Variants in RGS5 observed in about 807,000 individuals in gnomAD.
RGS5 encodes the protein regulator of G protein signaling 5, also known as regulator of G-protein signalling 5.
A neutral mutation model predicts 18.9 loss-of-function variants in RGS5; 20 were observed. That is an observed-to-expected ratio of 1.06 (90% confidence interval 0.74 to 1.54). RGS5 has a LOEUF of 1.54. Ranked by LOEUF, RGS5 falls within the 40% of genes most tolerant of loss-of-function variation. The probability of loss-of-function intolerance (pLI) is 0.00; values close to 1 mark genes in which losing one functional copy is unlikely to be tolerated. For missense variants in RGS5, 201 were observed against 211.8 expected (o/e 0.95, Z 0.32); for synonymous variants, 57 against 76.2 (o/e 0.75, Z 1.31).
In RGS5 at chr1:163,247,445, C is replaced by T. The variant is rs558083488; in HGVS notation, c.-281+58788G>A. On this transcript the variant is annotated intron_variant, in intron 2 of 5. Coordinates refer to the RGS5 transcript ENST00000618415. The stretch of plus-strand genomic sequence containing the variant: ...TTAGATCAATATAATATGTAATCAG[C>T]AACTATTAAGATTCACTATCAGGCA... Among the ~76,000 whole-genome samples, 11 of 149,478 alleles carry T rather than the reference C, an allele frequency of 7.4e-5. No homozygotes were observed. In the East Asian group the frequency reaches 2.1e-3, roughly 29 times the overall value.
At chr1:163,310,663 G>A (rs960497790) in intron 1 of RGS5, among the ~76,000 whole-genome samples, 14 of 151,198 alleles carry the variant, frequency 9.3e-5, no homozygotes, top group African/African-American at 2.7e-4. Flanking sequence ...GTTTAGCGTA[G>A]TCACTTTCAT....
chr1:163,273,286 T>C (rs1338922797), intron 2 of RGS5, among the ~76,000 whole-genome samples: 2 of 152,164 alleles, frequency 1.3e-5, no homozygotes, highest in Non-Finnish European at 2.9e-5. Context: ...TTCTTTACCC[T>C]AGCCAATTTA....
At chr1:163,292,981 G>C (rs941802140) in intron 2 of RGS5, among the ~76,000 whole-genome samples, 35 of 152,088 alleles carry the variant, frequency 2.3e-4, no homozygotes, top group African/African-American at 8.4e-4. Context: ...TGTTTACTCT[G>C]TTGATAGTTT....
At chr1:163,291,032 A>G (rs12745106) in intron 2 of RGS5, among the ~76,000 whole-genome samples, 39,361 of 151,970 alleles carry the variant, frequency 0.26, 6,111 homozygotes, top group Non-Finnish European at 0.36. Flanking sequence ...AATTAACTGA[A>G]TCAAAAGATT....
At position 163,147,322 on chromosome 1, in the gene RGS5, T is replaced by C; in HGVS notation, c.*20A>G. ...TGGAGGAAATAACTCACAGGATGATTTCATAGCCTGGCTAAATTACTACTT... is the reference window on the plus strand; with the variant it reads ...TGGAGGAAATAACTCACAGGATGATCTCATAGCCTGGCTAAATTACTACTT... On this transcript the variant is annotated 3_prime_UTR_variant, in exon 5 of 5. Transcript: ENST00000313961. The C allele has an allele frequency of 1.3e-6, 2 of 1,568,910 alleles. No homozygotes were observed.
chr1:163,170,704 T>C (rs776613164), intron 1 of RGS5, among the ~76,000 whole-genome samples: 1 of 151,862 alleles, frequency 6.6e-6, no homozygotes, highest in Non-Finnish European at 1.5e-5. Flanking sequence ...TACAGTGTCA[T>C]TTCCTTTTCA....
At chr1:163,299,124 C>T (rs1649493485) in intron 2 of RGS5, among the ~76,000 whole-genome samples, 1 of 152,128 alleles carries the variant, frequency 6.6e-6, no homozygotes, top group African/African-American at 2.4e-5. Flanking sequence ...ATAGTATAGA[C>T]ATGTGAAACA....
intron 2 of RGS5, among the ~76,000 whole-genome samples, chr1:163,275,760 T>C (rs1360142970): frequency 1.3e-5 from 2 of 152,132 alleles, no homozygotes; most frequent in Non-Finnish European, 2.9e-5. Context: ...GAATAAAGAT[T>C]ACTTTAAAGA....
intron 2 of RGS5, among the ~76,000 whole-genome samples, chr1:163,290,241 G>A (rs1649246985): frequency 1.3e-5 from 2 of 152,238 alleles, no homozygotes; most frequent in South Asian, 4.2e-4. Flanking sequence ...TCTCACTGCA[G>A]GAGAGAGAGC....
At chr1:163,253,157 T>C (rs1006025316) in intron 2 of RGS5, among the ~76,000 whole-genome samples, 5 of 152,178 alleles carry the variant, frequency 3.3e-5, no homozygotes, top group Non-Finnish European at 7.4e-5. Context: ...TTCTGCTTTT[T>C]CTAGAATCAA....
chr1:163,233,772 G>A (rs1385358819), intron 2 of RGS5, among the ~76,000 whole-genome samples: 1 of 152,276 alleles, frequency 6.6e-6, no homozygotes, highest in East Asian at 1.9e-4. Flanking sequence ...TAAGGGTGGG[G>A]AGGGTGTATC....
chr1:163,179,122 A>G (rs1409803796), intron 1 of RGS5, among the ~76,000 whole-genome samples: 1 of 152,228 alleles, frequency 6.6e-6, no homozygotes, highest in Non-Finnish European at 1.5e-5. Context: ...AGTCAAGTGG[A>G]ACATTGAACT....
chr1:163,290,056 C>T (rs1263361159), intron 2 of RGS5, among the ~76,000 whole-genome samples: 2 of 152,142 alleles, frequency 1.3e-5, no homozygotes, highest in Non-Finnish European at 2.9e-5. Context: ...AGACCCCTAT[C>T]TTTATAATAA....
At chr1:163,166,728 T>A (rs1658070166) in intron 2 of RGS5, among the ~76,000 whole-genome samples, 2 of 152,342 alleles carry the variant, frequency 1.3e-5, no homozygotes, top group Non-Finnish European at 1.5e-5. Context: ...AAGTAAATAA[T>A]CCAATAAATG....
upstream of RGS5, among the ~76,000 whole-genome samples, chr1:163,203,532 C>A (rs1659856852): frequency 6.6e-6 from 1 of 152,094 alleles, no homozygotes; most frequent in Non-Finnish European, 1.5e-5. Flanking sequence ...AGCTGAGAGA[C>A]AAGATTACTG....
chr1:163,156,139 G>A (rs1279388684), intron 3 of RGS5, among the ~76,000 whole-genome samples: 1 of 152,172 alleles, frequency 6.6e-6, no homozygotes. Flanking sequence ...GTCATTGATA[G>A]TTGATAAGCA....
chr1:163,211,005 A>G (rs1660090799), intron 1 of RGS5: 1 of 152,224 alleles, frequency 6.6e-6, no homozygotes, highest in Non-Finnish European at 1.5e-5. Flanking sequence ...ACTCAAGCTA[A>G]GAGCATTTAG....
intron 4 of RGS5, 163 bp downstream of exon 4, chr1:163,152,387 A>G (rs1335271056): frequency 3.1e-6 from 2 of 636,082 alleles, no homozygotes; most frequent in East Asian, 5.4e-5. Context: ...TATATACTTG[A>G]CCATGTTGCT....
chr1:163,269,960 ATCTCTATTATTAAAC>A (rs1367972223), intron 2 of RGS5, among the ~76,000 whole-genome samples: 1 of 152,102 alleles, frequency 6.6e-6, no homozygotes, highest in Non-Finnish European at 1.5e-5. Flanking sequence ...TAAATAGAAG[ATCTCTATTATTAAAC>A]TCTAAAGAAT....
Sources: allele counts gnomAD v4.1 joint callset (sites outside exome capture counted in the v4.1 genomes callset), GRCh38; gene constraint gnomAD v4.1.1; transcripts MANE v1.5; gene names NCBI Gene and HGNC (gene_info 2026-07-23, HGNC 2026-07-21).